The following GALNT13 variants were observed in gnomAD, a reference collection of about 807,000 sequenced individuals.
GALNT13 encodes UDP-GalNAc:polypeptide N-acetylgalactosaminyltransferase 13.
A neutral mutation model predicts 64.2 loss-of-function variants in GALNT13; 28 were observed. That is an observed-to-expected ratio of 0.44 (90% confidence interval 0.32 to 0.60). The LOEUF (loss-of-function observed/expected upper bound fraction) is 0.60. Ranked by LOEUF, GALNT13 falls within the 20% of genes least tolerant of loss-of-function variation. The pLI is 0.05. For synonymous variants in GALNT13, 214 were observed against 224.6 expected (o/e 0.95, Z 0.42); for missense variants, 577 against 669.8 (o/e 0.86, Z 1.53).
the GALNT13 span, among the ~76,000 whole-genome samples, chr2:153,382,544 T>G: frequency 2.0e-5 from 3 of 152,154 alleles, no homozygotes; most frequent in Non-Finnish European, 4.4e-5. Context: ...ATGGTGTATA[T>G]GTACTACATT....
chr2:153,893,737 G>A (rs1004809089), intron 1 of GALNT13, among the ~76,000 whole-genome samples: 5 of 152,062 alleles, frequency 3.3e-5, no homozygotes, highest in Admixed American at 6.6e-5. Flanking sequence ...ATATGGACAA[G>A]CCATAATTTA....
At chr2:153,727,395 C>A in the GALNT13 span, among the ~76,000 whole-genome samples, 1 of 152,138 alleles carries the variant, frequency 6.6e-6, no homozygotes, top group African/African-American at 2.4e-5. Flanking sequence ...ACTGTTGATG[C>A]ATTTGGTACT....
At chr2:153,366,788 A>G in the GALNT13 span, among the ~76,000 whole-genome samples, 2 of 149,940 alleles carry the variant, frequency 1.3e-5, no homozygotes, top group African/African-American at 4.9e-5. Context: ...TATAAATATA[A>G]CCAAACTGCT....
At chr2:154,382,474 A>G (rs184949442) in intron 9 of GALNT13, among the ~76,000 whole-genome samples, 43 of 152,162 alleles carry the variant, frequency 2.8e-4, no homozygotes, top group Admixed American at 9.2e-4. Flanking sequence ...CATTGTTTTC[A>G]GTATCAATTC....
intron 9 of GALNT13, among the ~76,000 whole-genome samples, chr2:154,358,772 A>G (rs1388271529): frequency 1.3e-5 from 2 of 152,086 alleles, no homozygotes; most frequent in Admixed American, 1.3e-4. Flanking sequence ...TAACTTAACT[A>G]CTTAGATACT....
At chr2:153,407,288 A>G in the GALNT13 span, among the ~76,000 whole-genome samples, 1 of 152,222 alleles carries the variant, frequency 6.6e-6, no homozygotes, top group Non-Finnish European at 1.5e-5. Context: ...GCTTAAGTCT[A>G]ATAACTATTG....
chr2:153,120,535 T>C, the GALNT13 span, among the ~76,000 whole-genome samples: 2 of 152,316 alleles, frequency 1.3e-5, no homozygotes, highest in East Asian at 3.9e-4. Context: ...TTTAATATTG[T>C]TGGATTCCTA....
chr2:153,350,384 C>CTTTTTTTT, the GALNT13 span, among the ~76,000 whole-genome samples: 53 of 129,954 alleles, frequency 4.1e-4, 1 homozygote, highest in African/African-American at 8.3e-4. Context: ...TTCTTTCTTT[C>CTTTTTTTT]TTTTTTTTTT....
chr2:153,651,340 G>A, the GALNT13 span, among the ~76,000 whole-genome samples: 25 of 152,212 alleles, frequency 1.6e-4, no homozygotes, highest in South Asian at 5.2e-3. Context: ...CCAATTTGGT[G>A]GAAGAAGGCA....
chr2:153,660,157 C>G, the GALNT13 span, among the ~76,000 whole-genome samples: 1 of 152,022 alleles, frequency 6.6e-6, no homozygotes, highest in Non-Finnish European at 1.5e-5. Context: ...AAAAAGTGAC[C>G]AGTAGGAACT....
intron 3 of GALNT13, among the ~76,000 whole-genome samples, chr2:154,092,765 A>T (rs1468177491): frequency 6.6e-6 from 1 of 152,050 alleles, no homozygotes; most frequent in Non-Finnish European, 1.5e-5. Context: ...CAGGTGAAGG[A>T]GCACGTTATT....
intron 7 of GALNT13, among the ~76,000 whole-genome samples, chr2:154,250,051 T>C (rs1312892236): frequency 6.6e-6 from 1 of 152,098 alleles, no homozygotes; most frequent in Non-Finnish European, 1.5e-5. Flanking sequence ...CTAGTTTTAT[T>C]TCAAGCTCCT....
intron 8 of GALNT13, among the ~76,000 whole-genome samples, chr2:154,300,077 GT>G (rs994145496): frequency 9.8e-5 from 13 of 132,396 alleles, no homozygotes; most frequent in African/African-American, 3.2e-4. Context: ...TGAAAAGATA[GT>G]TTTTTTTTCT....
intron 11 of GALNT13, among the ~76,000 whole-genome samples, chr2:154,412,266 A>G (rs1278645948): frequency 6.6e-6 from 1 of 151,758 alleles, no homozygotes; most frequent in Non-Finnish European, 1.5e-5. Flanking sequence ...CAATATTTCT[A>G]AGATAATTAA....
chr2:153,950,947 A>G (rs1316321435), intron 3 of GALNT13, among the ~76,000 whole-genome samples: 1 of 152,136 alleles, frequency 6.6e-6, no homozygotes, highest in Non-Finnish European at 1.5e-5. Flanking sequence ...AAAAAGTTGT[A>G]TCCTTCAAAG....
chr2:154,198,500 G>A (rs1351940948), intron 4 of GALNT13, among the ~76,000 whole-genome samples: 1 of 151,886 alleles, frequency 6.6e-6, no homozygotes, highest in Non-Finnish European at 1.5e-5. Context: ...AATAGTTAAA[G>A]TAAGTTTTTT....
intron 4 of GALNT13, among the ~76,000 whole-genome samples, chr2:154,211,195 G>C (rs1161242587): frequency 6.6e-6 from 1 of 151,984 alleles, no homozygotes; most frequent in African/African-American, 2.4e-5. Flanking sequence ...TTACCATATA[G>C]CCTATTACAC....
chr2:153,896,988 CTT>C (rs1687935472), intron 1 of GALNT13, among the ~76,000 whole-genome samples: 1 of 152,092 alleles, frequency 6.6e-6, no homozygotes, highest in African/African-American at 2.4e-5. Flanking sequence ...AATTTTGCCT[CTT>C]TTGCTTCATT....
At chr2:154,212,561 C>T (rs1215839671) in intron 4 of GALNT13, among the ~76,000 whole-genome samples, 1 of 151,898 alleles carries the variant, frequency 6.6e-6, no homozygotes, top group Non-Finnish European at 1.5e-5. Context: ...TTTAAATGTA[C>T]ATTCTTCTTA....
Sources: allele counts gnomAD v4.1 joint callset (sites outside exome capture counted in the v4.1 genomes callset), GRCh38; gene constraint gnomAD v4.1.1; transcripts MANE v1.5; gene names NCBI Gene and HGNC (gene_info 2026-07-23, HGNC 2026-07-21).